The following CD86 variants were observed in gnomAD, a reference collection of about 807,000 sequenced individuals.
The protein encoded by CD86 is T-lymphocyte activation antigen CD86.
Under a neutral mutation model 32.1 loss-of-function variants are expected in CD86, and 11 were observed. The observed-to-expected ratio is 0.34, with a 90% CI of 0.22 to 0.57. The LOEUF is 0.57. Among genes scored for constraint, CD86 ranks in the 20% least tolerant of loss-of-function variants. CD86 has a pLI of 0.86. For missense variants in CD86, 359 were observed against 398.4 expected (o/e 0.90, Z 0.84); for synonymous variants, 137 against 135.3 (o/e 1.01, Z -0.09).
chr3:122,067,245 A>G (rs1463447686), intron 1 of CD86, among the ~76,000 whole-genome samples: 1 of 152,190 alleles, frequency 6.6e-6, no homozygotes, highest in Middle Eastern at 3.2e-3. Context: ...CATGAGGAGT[A>G]AGGCGCGGGT....
rs141814734 is a variant in CD86 at position 122,055,497 on chromosome 3, C to A, written c.8C>A (p.Pro3His). The change falls in exon 1 of 7, where the codon CCC becomes CAC. Residue 3 changes from proline (P) to histidine (H), a missense_variant. By Grantham distance (77) the Pro-to-His change is moderately conservative. Coordinates refer to ENST00000330540, the MANE Select transcript of CD86 (RefSeq NM_175862.5). MD[P>H]QCTMGLSNIL... ...ACAGCAGAAGCAGCCAAAATGGATC[C>A]CCAGTGGTGAGTAATAATTCTTATT... The A allele has an allele frequency of 1.6e-4, 265 of 1,613,880 alleles. No homozygotes were observed. The African/African-American group carries it at 3.4e-3, about 21-fold the overall frequency.
At chr3:122,097,343 G>A (rs1392872219) in intron 2 of CD86, among the ~76,000 whole-genome samples, 1 of 152,220 alleles carries the variant, frequency 6.6e-6, no homozygotes, top group Non-Finnish European at 1.5e-5. Context: ...AATGGGAGAT[G>A]TCAGGTGCTC....
intron 2 of CD86, among the ~76,000 whole-genome samples, 176 bp from the exon 3 acceptor site, chr3:122,103,336 G>T (rs1285552083): frequency 6.6e-6 from 1 of 152,136 alleles, no homozygotes; most frequent in Non-Finnish European, 1.5e-5. Flanking sequence ...GTGAAGCAAG[G>T]ACAAAGGTCC....
chr3:122,090,388 T>G (rs1348242523), intron 1 of CD86, among the ~76,000 whole-genome samples: 1 of 152,162 alleles, frequency 6.6e-6, no homozygotes, highest in Non-Finnish European at 1.5e-5. Flanking sequence ...ATTGATTTGT[T>G]TTTATCAACA....
At chr3:122,074,079 G>A (rs903992524) in intron 1 of CD86, among the ~76,000 whole-genome samples, 2 of 152,216 alleles carry the variant, frequency 1.3e-5, no homozygotes, top group Non-Finnish European at 2.9e-5. Context: ...TGAGCCCATA[G>A]TGGTCTGTGA....
intron 1 of CD86, among the ~76,000 whole-genome samples, chr3:122,071,159 T>C (rs959671143): frequency 6.6e-6 from 1 of 152,128 alleles, no homozygotes; most frequent in African/African-American, 2.4e-5. Context: ...TTACATTAAG[T>C]TTCTCTCTTT....
chr3:122,120,872 A>C lies in CD86; in HGVS notation c.*1338A>C, dbSNP rs1246533764. The C allele has an allele frequency of 2.0e-5, 3 of 152,312 alleles. No individual in the cohort carries two copies. Among genetic ancestry groups the C allele is most frequent in the Non-Finnish European group, 4.4e-5 (3 of 68,086 alleles). The allele number at this position is 152,312 out of a possible 1,614,324, so 9.4% of individuals were successfully genotyped here. A position where few individuals can be genotyped will look rare whatever the true frequency, so the allele number is the denominator to read the frequency against. ...AGATATACTGGGAGAAATGACTTTG[A>C]AAACCTGGCTCTAAGGTGGGATCAC... On this transcript the variant is annotated 3_prime_UTR_variant, in exon 7 of 7. Transcript: ENST00000330540.
intron 5 of CD86, among the ~76,000 whole-genome samples, chr3:122,111,323 TTGGC>T (rs2107546352): frequency 6.6e-6 from 1 of 152,332 alleles, no homozygotes; most frequent in African/African-American, 2.4e-5. Flanking sequence ...ACTCCTGGCA[TTGGC>T]TATGTGATAG....
At chr3:122,097,186 T>C (rs2072921062) in intron 2 of CD86, among the ~76,000 whole-genome samples, 1 of 152,222 alleles carries the variant, frequency 6.6e-6, no homozygotes, top group African/African-American at 2.4e-5. Flanking sequence ...TTAAATTGCA[T>C]TTCCCTAGTT....
intron 1 of CD86, among the ~76,000 whole-genome samples, chr3:122,079,813 G>A (rs985830057): frequency 3.9e-5 from 6 of 152,186 alleles, no homozygotes; most frequent in African/African-American, 7.2e-5. Context: ...CCTCAACACC[G>A]GGAAGCATCT....
intron 5 of CD86, 134 bp downstream of exon 5, chr3:122,109,542 C>T: frequency 9.7e-7 from 1 of 1,032,612 alleles, no homozygotes; most frequent in Non-Finnish European, 1.5e-6. Flanking sequence ...AAAGGTTTTC[C>T]CTTGGAGTTT....
intron 5 of CD86, among the ~76,000 whole-genome samples, chr3:122,114,842 T>C (rs563049407): frequency 6.6e-6 from 1 of 152,316 alleles, no homozygotes; most frequent in South Asian, 2.1e-4. Context: ...AAAGCTCTCA[T>C]AAAAATAGGA....
intron 1 of CD86, among the ~76,000 whole-genome samples, chr3:122,059,133 C>G (rs1181614069): frequency 1.3e-5 from 2 of 151,932 alleles, no homozygotes; most frequent in African/African-American, 4.8e-5. Context: ...TCCAAGCAGA[C>G]AAGTAGATAT....
rs376589816 is a variant in CD86, at chr3:122,112,441, C to A, written c.847+3033C>A. On this transcript the variant is annotated intron_variant, in intron 5 of 6. Coordinates refer to ENST00000330540, the MANE Select transcript of CD86 (RefSeq NM_175862.5). Reference sequence around the variant, plus strand: ...AAGCGATTCTCCTGCCTCAGCCTCCCAAGTAGCTGGGACTACAGGCACGTG... The same window carrying A: ...AAGCGATTCTCCTGCCTCAGCCTCCAAAGTAGCTGGGACTACAGGCACGTG... 2.6e-5 allele frequency among the ~76,000 whole-genome samples: 4 copies of A among 152,192 alleles called. 1 individual carries two copies. Among genetic ancestry groups the A allele is most frequent in the East Asian group, 1.9e-4 (1 of 5,178 alleles).
rs1285505600 is a variant in CD86, at chr3:122,119,699, T to C, written c.*165T>C. ...GGAATAGCCTCCCTGTAACTCCAGCTCTGCTCCGTATGCCAAGAGGAGACT... is the reference window on the plus strand; with the variant it reads ...GGAATAGCCTCCCTGTAACTCCAGCCCTGCTCCGTATGCCAAGAGGAGACT... On this transcript the variant is annotated 3_prime_UTR_variant, in exon 7 of 7. Coordinates refer to ENST00000330540, the MANE Select transcript of CD86 (RefSeq NM_175862.5). The C allele has an allele frequency of 8.4e-6, 5 of 593,536 alleles. No homozygotes were observed. Among genetic ancestry groups the C allele is most frequent in the African/African-American group, 1.9e-5 (1 of 53,462 alleles). The allele number at this position is 593,536 out of a possible 1,614,324, so 36.8% of individuals were successfully genotyped here. A position where few individuals can be genotyped will look rare whatever the true frequency, so the allele number is the denominator to read the frequency against.
intron 1 of CD86, among the ~76,000 whole-genome samples, chr3:122,081,048 C>T (rs2072626960): frequency 6.6e-6 from 1 of 152,182 alleles, no homozygotes; most frequent in Non-Finnish European, 1.5e-5. Flanking sequence ...GCTGTCATTA[C>T]ACCATTTTTC....
At chr3:122,058,913 T>G (rs1037145561) in intron 1 of CD86, among the ~76,000 whole-genome samples, 8 of 151,870 alleles carry the variant, frequency 5.3e-5, no homozygotes, top group African/African-American at 1.7e-4. Context: ...TTAAGAGATA[T>G]TTTAGCACCA....
At chr3:122,055,614 GAGA>G in intron 1 of CD86, 111 bp downstream of exon 1, 1 of 973,098 alleles carries the variant, frequency 1.0e-6, no homozygotes, top group East Asian at 2.4e-5. Context: ...TTCCTAAGTG[GAGA>G]AGCTTTCTTT....
At chr3:122,064,038 A>G (rs564071205) in intron 1 of CD86, among the ~76,000 whole-genome samples, 34 of 152,188 alleles carry the variant, frequency 2.2e-4, no homozygotes, top group Non-Finnish European at 4.6e-4. Context: ...ATGCAAAACC[A>G]TCCAAGGACA....
Sources: allele counts gnomAD v4.1 joint callset (sites outside exome capture counted in the v4.1 genomes callset), GRCh38; gene constraint gnomAD v4.1.1; transcripts MANE v1.5; gene names NCBI Gene and HGNC (gene_info 2026-07-23, HGNC 2026-07-21).